Variants in EDA observed in about 807,000 individuals in gnomAD.
EDA encodes ectodysplasin-A.
EDA carries 2 observed loss-of-function variants against 23.6 expected under a neutral mutation model. That is an observed-to-expected ratio of 0.08 (90% confidence interval 0.03 to 0.27). The LOEUF is 0.27. EDA is among the 10% of genes least tolerant of loss of function. The probability of loss-of-function intolerance (pLI) is 1.00; values close to 1 mark genes in which losing one functional copy is unlikely to be tolerated. For missense variants in EDA, 229 were observed against 324.2 expected, an observed-to-expected ratio of 0.71 and a Z score of 2.26; for synonymous variants, 131 against 132.0, an observed-to-expected ratio of 0.99 and a Z score of 0.05.
chrX:69,841,714 TAG>T (rs2016899074), intron 1 of EDA, among the ~76,000 whole-genome samples: 1 of 111,873 alleles, frequency 8.9e-6, no homozygotes, highest in African/African-American at 3.3e-5. Flanking sequence ...GCTGAATAAA[TAG>T]TAAGGGACCT....
intron 1 of EDA, among the ~76,000 whole-genome samples, chrX:69,702,449 G>T (rs1458845854): frequency 9.0e-6 from 1 of 110,833 alleles, no homozygotes; most frequent in Non-Finnish European, 1.9e-5. Context: ...TGTAGGAAAA[G>T]AAGTGGATAC....
At chrX:69,831,457 T>C (rs1167340058) in intron 1 of EDA, among the ~76,000 whole-genome samples, 3 of 112,770 alleles carry the variant, frequency 2.7e-5, no homozygotes, top group Non-Finnish European at 5.6e-5. Flanking sequence ...CAGTCTATCA[T>C]TGATGGACAT....
chrX:69,687,208 C>T (rs769747450), intron 1 of EDA, among the ~76,000 whole-genome samples: 1 of 109,171 alleles, frequency 9.2e-6, no homozygotes, highest in African/African-American at 3.3e-5. Flanking sequence ...GCTACTTATA[C>T]GTATCCTTTG....
At chrX:69,711,732 G>A (rs1279292202) in intron 1 of EDA, among the ~76,000 whole-genome samples, 2 of 111,717 alleles carry the variant, frequency 1.8e-5, no homozygotes, top group Non-Finnish European at 3.8e-5. Context: ...GAGAGTGTAT[G>A]TGTCGAGGAA....
chrX:69,743,368 G>T (rs186545774), intron 1 of EDA, among the ~76,000 whole-genome samples: 2 of 111,846 alleles, frequency 1.8e-5, no homozygotes, highest in Admixed American at 1.9e-4. Context: ...GATACTGCTG[G>T]ATTTTAAACA....
chrX:69,978,398 G>A (rs2019349854), intron 2 of EDA, among the ~76,000 whole-genome samples: 1 of 99,490 alleles, frequency 1.0e-5, no homozygotes, highest in Admixed American at 1.1e-4. Flanking sequence ...AGCTATTTGG[G>A]TGGCTGAGGC....
chrX:69,745,764 G>T (rs889239934), intron 1 of EDA, among the ~76,000 whole-genome samples: 23 of 111,623 alleles, frequency 2.1e-4, no homozygotes, highest in African/African-American at 6.8e-4. Context: ...AAGGTGGGCA[G>T]ATCACCAGAG....
At chrX:69,827,788 G>A (rs1184579865) in intron 1 of EDA, among the ~76,000 whole-genome samples, 1 of 111,715 alleles carries the variant, frequency 9.0e-6, no homozygotes, top group African/African-American at 3.3e-5. Flanking sequence ...GCTTTTTAGA[G>A]TTTCCAGTTT....
At chrX:69,943,483 A>T (rs1010664585) in intron 1 of EDA, among the ~76,000 whole-genome samples, 6 of 111,442 alleles carry the variant, frequency 5.4e-5, no homozygotes, top group African/African-American at 2.0e-4. Flanking sequence ...CTGAATTGCC[A>T]TACAGAGACT....
At chrX:69,660,712 G>A (rs991459877) in intron 1 of EDA, among the ~76,000 whole-genome samples, 3 of 111,754 alleles carry the variant, frequency 2.7e-5, no homozygotes, top group Non-Finnish European at 3.8e-5. Flanking sequence ...CGGTGTATAT[G>A]TGCCACATTT....
At chrX:69,763,797 G>A (rs989759689) in intron 1 of EDA, among the ~76,000 whole-genome samples, 5 of 111,574 alleles carry the variant, frequency 4.5e-5, no homozygotes, top group South Asian at 3.8e-4. Context: ...TAGCGTTAGT[G>A]CCCTGTGGCT....
chrX:70,025,355 G>C (rs1186171766), intron 3 of EDA, among the ~76,000 whole-genome samples: 1 of 111,080 alleles, frequency 9.0e-6, no homozygotes, highest in Non-Finnish European at 1.9e-5. Context: ...TGGAACACAG[G>C]ACAGCCTAAT....
rs764146823 is a variant in EDA, at chrX:70,035,524, T to C, written c.1091T>C (p.Met364Thr). The C allele has an allele frequency of 2.5e-6, 3 of 1,209,256 alleles. No homozygotes were observed. The highest frequency in any genetic ancestry group is 3.5e-5 in the South Asian group (2 of 56,780). Residue 364 changes from methionine (M) to threonine (T), a missense_variant, in exon 8 of 8, where the codon ATG (methionine) becomes ACG (threonine). By Grantham distance (81) the Met-to-Thr change is moderately conservative. Transcript: ENST00000374552. Reference sequence around the variant, plus strand: ...GCCCGGCAGAAGATCGCCGTCAAGATGGTGCACGCTGACATCTCCATCAAC... The same window carrying C: ...GCCCGGCAGAAGATCGCCGTCAAGACGGTGCACGCTGACATCTCCATCAAC... ...LKARQKIAVK[M>T]VHADISINMS...
intron 1 of EDA, among the ~76,000 whole-genome samples, chrX:69,639,534 C>A (rs1157716928): frequency 8.9e-6 from 1 of 111,801 alleles, no homozygotes; most frequent in Non-Finnish European, 1.9e-5. Flanking sequence ...GAGCATCTTT[C>A]CATATGCTTA....
chrX:69,837,103 A>G (rs998322662), intron 1 of EDA, among the ~76,000 whole-genome samples: 11 of 111,983 alleles, frequency 9.8e-5, no homozygotes, highest in African/African-American at 3.6e-4. Context: ...ATTTTGATAC[A>G]GGCATACCAT....
chrX:69,818,002 A>G (rs2016120693), intron 1 of EDA, among the ~76,000 whole-genome samples: 1 of 111,865 alleles, frequency 8.9e-6, no homozygotes, highest in Non-Finnish European at 1.9e-5. Flanking sequence ...AATGCAAAAG[A>G]ACTAAAATCA....
chrX:69,979,604 C>T (rs2019373911), intron 2 of EDA, among the ~76,000 whole-genome samples: 1 of 111,844 alleles, frequency 8.9e-6, no homozygotes, highest in African/African-American at 3.2e-5. Flanking sequence ...GAAGTGGTAT[C>T]TCACTGTAGT....
intron 1 of EDA, among the ~76,000 whole-genome samples, chrX:69,667,557 A>T (rs1480058190): frequency 9.2e-6 from 1 of 108,422 alleles, no homozygotes; most frequent in Non-Finnish European, 1.9e-5. Context: ...AGTTTTATTG[A>T]TTTTTTCTAT....
At chrX:69,785,273 AT>A (rs2015117389) in intron 1 of EDA, among the ~76,000 whole-genome samples, 1 of 87,379 alleles carries the variant, frequency 1.1e-5, no homozygotes, top group South Asian at 5.9e-4. Context: ...TCCTAATTGA[AT>A]ACCCTTTATT....
Sources: allele counts gnomAD v4.1 joint callset (sites outside exome capture counted in the v4.1 genomes callset), GRCh38; gene constraint gnomAD v4.1.1; transcripts MANE v1.5; gene names NCBI Gene and HGNC (gene_info 2026-07-23, HGNC 2026-07-21).